MSN: variants seen among roughly 807,000 people sequenced by gnomAD.
MSN encodes moesin.
MSN carries 2 observed loss-of-function variants against 48.0 expected under a neutral mutation model. The observed-to-expected ratio is 0.04, with a 90% CI of 0.02 to 0.13. MSN has a LOEUF of 0.13. MSN is among the 10% of genes least tolerant of loss of function. The probability of loss-of-function intolerance (pLI) is 1.00; values close to 1 mark genes in which losing one functional copy is unlikely to be tolerated. For missense variants in MSN, 267 were observed against 470.1 expected (o/e 0.57, Z 3.99); for synonymous variants, 146 against 166.9 (o/e 0.87, Z 0.97).
intron 1 of MSN, among the ~76,000 whole-genome samples, chrX:65,677,202 A>T (rs977339771): frequency 4.5e-5 from 5 of 111,233 alleles, no homozygotes; most frequent in African/African-American, 1.6e-4. Flanking sequence ...ATCTGTTGTA[A>T]TTTTTAACTG....
chrX:65,720,918 G>A (rs1191428224), intron 2 of MSN, among the ~76,000 whole-genome samples: 13 of 112,131 alleles, frequency 1.2e-4, no homozygotes, highest in Non-Finnish European at 2.1e-4. Flanking sequence ...TACAGCTAGA[G>A]GGGAGAGAGA....
At chrX:65,692,768 C>T (rs1162375897) in intron 1 of MSN, among the ~76,000 whole-genome samples, 1 of 111,301 alleles carries the variant, frequency 9.0e-6, no homozygotes, top group African/African-American at 3.3e-5. Context: ...CAACTTCTGC[C>T]TCCCAGGTTC....
At chrX:65,657,364 C>T (rs57628991) in intron 1 of MSN, among the ~76,000 whole-genome samples, 169 of 110,151 alleles carry the variant, frequency 1.5e-3, no homozygotes, top group African/African-American at 5.3e-3. Context: ...GCGGATGGTT[C>T]ACAGACGGGC....
chrX:65,730,239 A>G (rs1456640891), intron 4 of MSN, among the ~76,000 whole-genome samples: 1 of 112,373 alleles, frequency 8.9e-6, no homozygotes, highest in African/African-American at 3.2e-5. Context: ...TGAACAAAGC[A>G]GGCAATATCC....
chrX:65,686,704 C>T (rs1350213746), intron 1 of MSN, among the ~76,000 whole-genome samples: 1 of 112,145 alleles, frequency 8.9e-6, no homozygotes, highest in African/African-American at 3.2e-5. Flanking sequence ...GCCTCCACTT[C>T]TCCCGTTGGT....
intron 1 of MSN, among the ~76,000 whole-genome samples, chrX:65,590,512 TC>T (rs2070138192): frequency 9.0e-6 from 1 of 110,897 alleles, no homozygotes; most frequent in East Asian, 2.9e-4. Context: ...CGAAGGACGC[TC>T]CCAAAATGCC....
intron 1 of MSN, among the ~76,000 whole-genome samples, chrX:65,635,682 C>T (rs1219279978): frequency 1.8e-5 from 2 of 112,230 alleles, no homozygotes; most frequent in East Asian, 5.6e-4. Context: ...GATAGCATAA[C>T]TGAAGCCTGT....
intron 1 of MSN, among the ~76,000 whole-genome samples, chrX:65,610,726 T>C (rs973098043): frequency 1.8e-5 from 2 of 112,467 alleles, no homozygotes; most frequent in African/African-American, 3.2e-5. Flanking sequence ...TTACTAACAA[T>C]GTATGAAACT....
intron 1 of MSN, among the ~76,000 whole-genome samples, chrX:65,656,957 A>G (rs774281383): frequency 3.6e-5 from 4 of 112,126 alleles, no homozygotes; most frequent in Admixed American, 1.9e-4. Context: ...CATGAAGGCT[A>G]TGTTTCTGAA....
At chrX:65,738,905 T>C in intron 11 of MSN, 65 bp from the exon 12 acceptor site, 1 of 1,123,249 alleles carries the variant, frequency 8.9e-7, no homozygotes, top group Non-Finnish European at 1.2e-6. Flanking sequence ...GTTCTAGGCA[T>C]ATACAGGATG....
chrX:65,658,987 G>A (rs1482439005), intron 1 of MSN, among the ~76,000 whole-genome samples: 3 of 108,351 alleles, frequency 2.8e-5, no homozygotes, highest in African/African-American at 1.0e-4. Context: ...TGGGATTACA[G>A]GCATGTGCCA....
upstream of MSN, among the ~76,000 whole-genome samples, chrX:65,663,151 G>A (rs933691204): frequency 2.7e-5 from 3 of 109,409 alleles, no homozygotes; most frequent in Non-Finnish European, 3.8e-5. Flanking sequence ...CCAGCTACTC[G>A]GGAGGCTGAG....
At chrX:65,661,600 T>C (rs1371264804) in intron 1 of MSN, among the ~76,000 whole-genome samples, 1 of 112,274 alleles carries the variant, frequency 8.9e-6, no homozygotes, top group Non-Finnish European at 1.9e-5. Flanking sequence ...TGCCAGATTT[T>C]GGTATTAGGC....
chrX:65,635,144 CCTT>C (rs761377364), intron 1 of MSN, among the ~76,000 whole-genome samples: 1 of 111,061 alleles, frequency 9.0e-6, no homozygotes, highest in African/African-American at 3.3e-5. Flanking sequence ...TAGTATTTCT[CCTT>C]CTTTGCCCCA....
intron 7 of MSN, 100 bp from the exon 8 acceptor site, chrX:65,735,167 A>T: frequency 3.1e-6 from 3 of 955,426 alleles, no homozygotes; most frequent in Non-Finnish European, 2.9e-6. Flanking sequence ...AGGTCAGATT[A>T]AATATTCTTT....
At chrX:65,593,677 G>A (rs999331170) in intron 1 of MSN, among the ~76,000 whole-genome samples, 1 of 111,878 alleles carries the variant, frequency 8.9e-6, no homozygotes, top group Non-Finnish European at 1.9e-5. Context: ...TGAGTAGCTC[G>A]GATTACAGGC....
At chrX:65,589,791 C>A (rs1446557992) in intron 1 of MSN, 1 of 112,159 alleles carries the variant, frequency 8.9e-6, no homozygotes, top group East Asian at 2.8e-4. Context: ...TACAAGCCGA[C>A]TGAGCCATCC....
At chrX:65,726,631 G>A (rs2071570605) in intron 2 of MSN, among the ~76,000 whole-genome samples, 1 of 111,054 alleles carries the variant, frequency 9.0e-6, no homozygotes, top group African/African-American at 3.3e-5. Context: ...GTGTGCATGT[G>A]TGTGTGTGTA....
intron 1 of MSN, among the ~76,000 whole-genome samples, chrX:65,683,942 CT>C (rs370356986): frequency 0.02 from 1,575 of 80,384 alleles, 35 homozygotes; most frequent in African/African-American, 0.057. Context: ...CTTTCTTTTT[CT>C]TTTTTTTTTT....
Sources: gnomAD v4.1 joint callset for allele counts (sites outside exome capture counted in the v4.1 genomes callset) on GRCh38, gnomAD v4.1.1 for gene constraint, MANE v1.5 for transcripts, NCBI Gene and HGNC (gene_info 2026-07-23, HGNC 2026-07-21) for gene names.